THSD7B: variants seen among roughly 807,000 people sequenced by gnomAD.
THSD7B encodes thrombospondin type-1 domain-containing protein 7B.
THSD7B carries 138 observed loss-of-function variants against 213.6 expected under a neutral mutation model. The ratio of observed to expected loss-of-function variants is 0.65; its 90% CI spans 0.56 to 0.74. THSD7B has a LOEUF of 0.74. Ranked by LOEUF, THSD7B falls within the 30% of genes least tolerant of loss-of-function variation. THSD7B has a pLI of 0.00. For synonymous variants in THSD7B, 742 were observed against 687.0 expected (o/e 1.08, Z -1.25); for missense variants, 1,931 against 1,991.5 (o/e 0.97, Z 0.58).
At chr2:137,068,696 T>C (rs1687423556) in intron 3 of THSD7B, among the ~76,000 whole-genome samples, 1 of 152,142 alleles carries the variant, frequency 6.6e-6, no homozygotes, top group Admixed American at 6.6e-5. Flanking sequence ...TATTATAATT[T>C]GTTCTAAAGT....
At chr2:136,954,705 A>T (rs1308671507) in intron 2 of THSD7B, among the ~76,000 whole-genome samples, 2 of 113,346 alleles carry the variant, frequency 1.8e-5, no homozygotes, top group African/African-American at 3.2e-5. Context: ...TGACAGTGAG[A>T]CTCTGTCTCA....
intron 2 of THSD7B, among the ~76,000 whole-genome samples, chr2:136,970,071 G>A (rs907952540): frequency 6.6e-6 from 1 of 152,138 alleles, no homozygotes; most frequent in Non-Finnish European, 1.5e-5. Flanking sequence ...ATATCAGGAT[G>A]CTTTAAAAAT....
chr2:137,627,876 A>C (rs1682661448), intron 20 of THSD7B, among the ~76,000 whole-genome samples: 1 of 152,212 alleles, frequency 6.6e-6, no homozygotes, highest in African/African-American at 2.4e-5. Context: ...GTGATTAACC[A>C]ATAGTTTGTC....
intron 2 of THSD7B, among the ~76,000 whole-genome samples, chr2:136,897,859 A>G (rs1683989674): frequency 6.6e-6 from 1 of 151,596 alleles, no homozygotes; most frequent in Non-Finnish European, 1.5e-5. Context: ...ATTTTTACAG[A>G]GTGCTGATTG....
chr2:137,318,607 T>C (rs1684184985), intron 12 of THSD7B, among the ~76,000 whole-genome samples: 1 of 151,982 alleles, frequency 6.6e-6, no homozygotes, highest in Non-Finnish European at 1.5e-5. Flanking sequence ...TGGAAAACCA[T>C]GATCCAACAT....
intron 12 of THSD7B, among the ~76,000 whole-genome samples, chr2:137,287,509 T>C (rs1573935869): frequency 5.3e-5 from 8 of 152,236 alleles, no homozygotes; most frequent in Admixed American, 5.2e-4. Context: ...CTTTTATGGT[T>C]GCTTCAGGTA....
intron 5 of THSD7B, among the ~76,000 whole-genome samples, chr2:137,139,924 G>C (rs1679547403): frequency 6.6e-6 from 1 of 152,028 alleles, no homozygotes; most frequent in Non-Finnish European, 1.5e-5. Flanking sequence ...AGTTTAATGA[G>C]ACTATCTTCC....
intron 20 of THSD7B, among the ~76,000 whole-genome samples, chr2:137,623,399 T>A: frequency 6.6e-6 from 1 of 152,158 alleles, no homozygotes; most frequent in Middle Eastern, 3.2e-3. Flanking sequence ...ACTGGAAGCA[T>A]TCCCTTTGAA....
intron 7 of THSD7B, among the ~76,000 whole-genome samples, chr2:137,205,113 T>C (rs1330074954): frequency 2.0e-5 from 3 of 152,046 alleles, no homozygotes; most frequent in African/African-American, 4.8e-5. Flanking sequence ...AGCCAAAATC[T>C]TGATGGAAGG....
chr2:137,356,332 T>C (rs542250041), intron 12 of THSD7B, among the ~76,000 whole-genome samples: 1 of 152,258 alleles, frequency 6.6e-6, no homozygotes, highest in South Asian at 2.1e-4. Context: ...GAATCCACCT[T>C]AAAAATTAGA....
At chr2:136,994,647 TC>T (rs1685848936) in intron 2 of THSD7B, among the ~76,000 whole-genome samples, 1 of 152,122 alleles carries the variant, frequency 6.6e-6, no homozygotes, top group Admixed American at 6.5e-5. Flanking sequence ...TCTTATTTGA[TC>T]CCTATAACAA....
At chr2:137,580,538 T>A (rs1488913269) in intron 17 of THSD7B, among the ~76,000 whole-genome samples, 1 of 152,232 alleles carries the variant, frequency 6.6e-6, no homozygotes. Flanking sequence ...ATTCACATTA[T>A]CTTTCCTAGA....
intron 2 of THSD7B, among the ~76,000 whole-genome samples, chr2:137,009,222 G>C (rs977338981): frequency 3.9e-5 from 6 of 152,168 alleles, no homozygotes; most frequent in African/African-American, 1.4e-4. Flanking sequence ...CTTAGACACT[G>C]TCCACAATGG....
intron 17 of THSD7B, among the ~76,000 whole-genome samples, chr2:137,580,781 T>C (rs1046605359): frequency 7.9e-5 from 12 of 151,320 alleles, no homozygotes; most frequent in Non-Finnish European, 1.5e-4. Context: ...AGCAGGCAGG[T>C]CACATAGCTA....
rs373870082 is a variant in THSD7B at position 136,959,822 on chromosome 2, G to T, written c.139+77505G>T. On this transcript the variant is annotated intron_variant, in intron 2 of 27. Transcript: ENST00000409968. ...TAAAATAATTGTGATATTTATCCTTGACTAGATTTGAGAACTGTCAAGAAA... is the reference window on the plus strand; with the variant it reads ...TAAAATAATTGTGATATTTATCCTTTACTAGATTTGAGAACTGTCAAGAAA... Among the ~76,000 whole-genome samples, 25 of 152,256 alleles carry T rather than the reference G, an allele frequency of 1.6e-4. No homozygotes were observed. In the East Asian group the frequency reaches 2.3e-3, roughly 14 times the overall value.
intron 2 of THSD7B, among the ~76,000 whole-genome samples, chr2:136,890,396 TCTTCC>T: frequency 4.6e-4 from 1 of 2,186 alleles, no homozygotes; most frequent in African/African-American, 1.2e-3. Context: ...TTCCTCTTCC[TCTTCC>T]TCTTCCTCTT....
At chr2:136,796,650 ATTTTAACC>A (rs997023890) in intron 1 of THSD7B, among the ~76,000 whole-genome samples, 11 of 152,036 alleles carry the variant, frequency 7.2e-5, no homozygotes, top group African/African-American at 2.4e-4. Flanking sequence ...ATTCCCCAGT[ATTTTAACC>A]TTTGTGCTTC....
chr2:137,017,169 T>C (rs1686356513), intron 2 of THSD7B, among the ~76,000 whole-genome samples: 1 of 152,106 alleles, frequency 6.6e-6, no homozygotes, highest in Non-Finnish European at 1.5e-5. Flanking sequence ...TTTAGCACTG[T>C]GGATGAGGGA....
intron 1 of THSD7B, among the ~76,000 whole-genome samples, chr2:136,795,687 T>C (rs1399051027): frequency 6.6e-6 from 1 of 152,018 alleles, no homozygotes; most frequent in African/African-American, 2.4e-5. Flanking sequence ...GTCTACCATC[T>C]TGCCTTTATT....
Sources: gnomAD v4.1 joint callset for allele counts (sites outside exome capture counted in the v4.1 genomes callset) on GRCh38, gnomAD v4.1.1 for gene constraint, MANE v1.5 for transcripts, NCBI Gene and HGNC (gene_info 2026-07-23, HGNC 2026-07-21) for gene names.